The following YTHDC1 variants were observed in gnomAD, a reference collection of about 807,000 sequenced individuals.
YTHDC1 encodes the protein YTH domain-containing protein 1.
Under a neutral mutation model 107.0 loss-of-function variants are expected in YTHDC1, and 12 were observed. That is an observed-to-expected ratio of 0.11 (90% CI 0.07 to 0.18). The LOEUF (loss-of-function observed/expected upper bound fraction) is 0.18. YTHDC1 is among the 10% of genes least tolerant of loss of function. YTHDC1 has a pLI of 1.00. For missense variants in YTHDC1, 635 were observed against 898.8 expected (o/e 0.71, Z 3.75); for synonymous variants, 280 against 289.5 (o/e 0.97, Z 0.33).
intron 9 of YTHDC1, among the ~76,000 whole-genome samples, chr4:68,325,902 C>G (rs945558328): frequency 2.0e-5 from 3 of 151,974 alleles, no homozygotes; most frequent in Non-Finnish European, 4.4e-5. Context: ...CTTACTTCAC[C>G]CATCAAGAGT....
At position 68,312,275 on chromosome 4, in the gene YTHDC1, A is replaced by G. The variant is rs1721367666; in HGVS notation, c.*1824T>C. The stretch of plus-strand genomic sequence containing the variant: ...TGAGCCCATTTAAATGAGTCTGTAT[A>G]TAAAAGCACAAAGTCTCTATTGCAT... On this transcript the variant is annotated 3_prime_UTR_variant, in exon 17 of 17. Coordinates refer to ENST00000344157, the MANE Select transcript of YTHDC1 (RefSeq NM_001031732.4). The G allele has an allele frequency of 2.0e-5, 3 of 152,222 alleles. No homozygotes were observed. The highest frequency in any genetic ancestry group is 2.0e-4 in the Admixed American group (3 of 15,280). The allele number at this position is 152,222 out of a possible 1,614,324, so 9.4% of individuals were successfully genotyped here.
At chr4:68,348,059 T>C (rs1254140957) in intron 1 of YTHDC1, among the ~76,000 whole-genome samples, 1 of 152,344 alleles carries the variant, frequency 6.6e-6, no homozygotes, top group Middle Eastern at 3.4e-3. Context: ...ATCCTATGTA[T>C]AGACAACAGG....
intron 15 of YTHDC1, among the ~76,000 whole-genome samples, chr4:68,316,772 G>C (rs1029709579): frequency 6.6e-6 from 1 of 152,152 alleles, no homozygotes; most frequent in Admixed American, 6.5e-5. Context: ...TTATGAGATA[G>C]ATACTATTGT....
Position 68,337,761 on chromosome 4 carries a change from C to T in YTHDC1, c.270G>A (p.Lys90=), listed in dbSNP as rs930610758. The change falls in exon 3 of 17, where the codon AAG becomes AAA. Residue 90 remains lysine (K), a synonymous_variant. Transcript: ENST00000344157. The stretch of plus-strand genomic sequence containing the variant: ...CCTCATTTTTATACTCTGTGGCTGA[C>T]TTTCCTTTTGTACTAACTATTCTTT... The part of the protein sequence containing the change: ...NNKRIVSTKG[K]SATEYKNEEY... The T allele has an allele frequency of 6.2e-7, 1 of 1,614,122 alleles. No homozygotes were observed. The highest frequency in any genetic ancestry group is 1.1e-5 in the South Asian group (1 of 91,088).
intron 9 of YTHDC1, among the ~76,000 whole-genome samples, chr4:68,329,687 T>C (rs1020106221): frequency 9.2e-5 from 14 of 151,870 alleles, no homozygotes; most frequent in Admixed American, 7.9e-4. Context: ...CCGAAATTGT[T>C]AGCCAAGTCA....
intron 12 of YTHDC1, among the ~76,000 whole-genome samples, chr4:68,319,850 A>G (rs1722256861): frequency 1.3e-5 from 2 of 152,136 alleles, no homozygotes; most frequent in Admixed American, 1.3e-4. Context: ...AACCTTAAAC[A>G]CATGTGCAGA....
In YTHDC1 at chr4:68,314,337, G is replaced by T; in HGVS notation, c.1960-14C>A. ...ATCATAATCATGCTAGAAAAGGAAA[G>T]AAATGTGTTAGGTATGTCAAAAAGG... On this transcript the variant is annotated splice_polypyrimidine_tract_variant and intron_variant, in intron 16 of 16. Transcript: ENST00000344157. 1 of 1,613,398 alleles carries T rather than the reference G, an allele frequency of 6.2e-7. No homozygotes were observed. The highest frequency in any genetic ancestry group is 8.5e-7 in the Non-Finnish European group (1 of 1,179,860).
chr4:68,340,152 A>C (rs1224508015), intron 1 of YTHDC1, among the ~76,000 whole-genome samples: 2 of 152,170 alleles, frequency 1.3e-5, no homozygotes, highest in Non-Finnish European at 2.9e-5. Flanking sequence ...TGGGGGCTAT[A>C]AACAGGTTAA....
intron 1 of YTHDC1, among the ~76,000 whole-genome samples, chr4:68,346,064 TG>T: frequency 7.9e-6 from 1 of 127,090 alleles, no homozygotes; most frequent in African/African-American, 3.0e-5. Flanking sequence ...TGTGTGCACA[TG>T]ACTGTGTGTG....
At position 68,337,453 on chromosome 4, in the gene YTHDC1, G is replaced by A. The variant is rs768947792; in HGVS notation, c.460-3C>T. The A allele has an allele frequency of 1.2e-6, 2 of 1,611,824 alleles. No individual in the cohort carries two copies. The highest frequency in any genetic ancestry group is 2.2e-5 in the South Asian group (2 of 90,976). On this transcript the variant is annotated splice_polypyrimidine_tract_variant and splice_region_variant and intron_variant, in intron 3 of 16. Transcript: ENST00000344157. ...CTATCCACTTCAAGCCCAATTCTCTGATGTTTAAAGAAAAAGGGAATCAGC... is the reference window on the plus strand; with the variant it reads ...CTATCCACTTCAAGCCCAATTCTCTAATGTTTAAAGAAAAAGGGAATCAGC...
chr4:68,314,332 G>C lies in YTHDC1; in HGVS notation c.1960-9C>G, dbSNP rs1240351136. ...CTCATATCATAATCATGCTAGAAAA[G>C]GAAAGAAATGTGTTAGGTATGTCAA... On this transcript the variant is annotated splice_polypyrimidine_tract_variant and intron_variant, in intron 16 of 16. Transcript: ENST00000344157. 19 of 1,613,210 alleles carry C rather than the reference G, an allele frequency of 1.2e-5. No homozygotes were observed. Among genetic ancestry groups the C allele is most frequent in the African/African-American group, 4.0e-5 (3 of 74,824 alleles).
chr4:68,339,774 T>TA (rs1009999116), intron 1 of YTHDC1, among the ~76,000 whole-genome samples: 13 of 151,984 alleles, frequency 8.6e-5, no homozygotes, highest in South Asian at 2.1e-4. Flanking sequence ...TGCTATATAA[T>TA]AAAAAAAACA....
chr4:68,324,882 G>C (rs1321507760), intron 9 of YTHDC1, among the ~76,000 whole-genome samples: 2 of 152,140 alleles, frequency 1.3e-5, no homozygotes, highest in East Asian at 1.9e-4. Flanking sequence ...CTGGTTTTAA[G>C]ATCTCTAAGC....
Position 68,312,746 on chromosome 4 carries a change from A to G in YTHDC1, c.*1353T>C, listed in dbSNP as rs1374924582. ...AACTGTACTATGTGATCTGGTACAC[A>G]GTACAACTGTTGATACTATAAAAAA... On this transcript the variant is annotated 3_prime_UTR_variant, in exon 17 of 17. Transcript: ENST00000344157. 6.6e-6 allele frequency: 1 copy of G among 152,222 alleles called. No individual in the cohort carries two copies. Among genetic ancestry groups the G allele is most frequent in the Non-Finnish European group, 1.5e-5 (1 of 68,028 alleles). 9.4% of individuals were successfully genotyped at this position (152,222 alleles called of 1,614,324 possible).
In YTHDC1 at chr4:68,318,388, G is replaced by A. The variant is rs1288566967; in HGVS notation, c.1824+131C>T. 4.5e-6 allele frequency: 4 copies of A among 885,028 alleles called. No individual in the cohort carries two copies. In the East Asian group the frequency reaches 1.1e-4, roughly 24 times the overall value. 54.8% of individuals were successfully genotyped at this position (885,028 alleles called of 1,614,324 possible). A position where few individuals can be genotyped will look rare whatever the true frequency, so the allele number is the denominator to read the frequency against. On this transcript the variant is annotated intron_variant, in intron 15 of 16. Coordinates refer to ENST00000344157, the MANE Select transcript of YTHDC1 (RefSeq NM_001031732.4). ...CTCCCAAAGTGCTGGGACTGCAGGTGTGAGCCACGGCGCCTGGCCAGTTTA... is the reference window on the plus strand; with the variant it reads ...CTCCCAAAGTGCTGGGACTGCAGGTATGAGCCACGGCGCCTGGCCAGTTTA...
intron 6 of YTHDC1, among the ~76,000 whole-genome samples, chr4:68,332,524 C>T (rs1012251281): frequency 6.6e-6 from 1 of 151,956 alleles, no homozygotes; most frequent in African/African-American, 2.4e-5. Context: ...TATATATACA[C>T]ACACATCTAT....
intron 9 of YTHDC1, among the ~76,000 whole-genome samples, chr4:68,325,251 A>T (rs551098112): frequency 6.6e-6 from 1 of 152,220 alleles, no homozygotes; most frequent in Non-Finnish European, 1.5e-5. Flanking sequence ...AATGGGTACT[A>T]TATGCACAAT....
intron 1 of YTHDC1, among the ~76,000 whole-genome samples, chr4:68,344,348 T>G (rs892023510): frequency 6.6e-6 from 1 of 151,418 alleles, no homozygotes; most frequent in Non-Finnish European, 1.5e-5. Flanking sequence ...CAAGGCTCAG[T>G]TTAATACACT....
In YTHDC1 at chr4:68,311,653, TAGGAA is replaced by T. The variant is rs1721313611; in HGVS notation, c.*2441_*2445del. ...GTTCCGGTAAGTTTATTTTAAAAAT[TAGGAA>T]AGGAGAAAACAGTGATGATTATGTG... On this transcript the variant is annotated 3_prime_UTR_variant, in exon 17 of 17. Transcript: ENST00000344157. 1 of 152,210 alleles carries T rather than the reference TAGGAA, an allele frequency of 6.6e-6. No individual in the cohort carries two copies. Among genetic ancestry groups the T allele is most frequent in the Admixed American group, 6.5e-5 (1 of 15,286 alleles). 9.4% of individuals were successfully genotyped at this position (152,210 alleles called of 1,614,324 possible). A position where few individuals can be genotyped will look rare whatever the true frequency, so the allele number is the denominator to read the frequency against.
Sources: gnomAD v4.1 joint callset for allele counts (sites outside exome capture counted in the v4.1 genomes callset) on GRCh38, gnomAD v4.1.1 for gene constraint, MANE v1.5 for transcripts, NCBI Gene and HGNC (gene_info 2026-07-23, HGNC 2026-07-21) for gene names.